GPATCH2L: variants seen among roughly 807,000 people sequenced by gnomAD.
GPATCH2L encodes G-patch domain containing 2 like, also known as G patch domain-containing protein 2-like.
GPATCH2L carries 31 observed loss-of-function variants against 57.4 expected under a neutral mutation model. That is an observed-to-expected ratio of 0.54 (90% CI 0.41 to 0.73). The LOEUF (loss-of-function observed/expected upper bound fraction) is 0.73. GPATCH2L is among the 30% of genes least tolerant of loss of function. The probability of loss-of-function intolerance (pLI) is 0.00; values close to 1 mark genes in which losing one functional copy is unlikely to be tolerated. For missense variants in GPATCH2L, 481 were observed against 599.9 expected, an observed-to-expected ratio of 0.80 and a Z score of 2.07; for synonymous variants, 199 against 210.7, an observed-to-expected ratio of 0.94 and a Z score of 0.48.
intron 1 of GPATCH2L, among the ~76,000 whole-genome samples, chr14:76,228,693 A>C (rs2139874482): frequency 6.6e-6 from 1 of 151,940 alleles, no homozygotes; most frequent in East Asian, 1.9e-4. Flanking sequence ...TTTGGTGCCC[A>C]CTCCTCATCT....
At chr14:76,176,427 TGTAGG>T (rs71122516) in intron 5 of GPATCH2L, 191 bp from the exon 6 acceptor site, 274,347 of 591,182 alleles carry the variant, frequency 0.46, 68,114 homozygotes, top group South Asian at 0.54. Context: ...GAATAATAAA[TGTAGG>T]GTAACATGTA....
At chr14:76,217,001 A>G (rs978317847), downstream of GPATCH2L, among the ~76,000 whole-genome samples, 77 of 152,220 alleles carry the variant, frequency 5.1e-4, no homozygotes, top group African/African-American at 1.8e-3. Flanking sequence ...ATATAGCTAT[A>G]CAGGAAAAAG....
intron 3 of GPATCH2L, among the ~76,000 whole-genome samples, chr14:76,169,000 C>A (rs1594930339): frequency 6.6e-6 from 1 of 152,210 alleles, no homozygotes; most frequent in Non-Finnish European, 1.5e-5. Context: ...TTTCCCTTGC[C>A]ACTCCAAGTC....
intron 3 of GPATCH2L, among the ~76,000 whole-genome samples, chr14:76,169,417 C>T (rs930556113): frequency 4.6e-5 from 7 of 152,130 alleles, no homozygotes; most frequent in African/African-American, 1.7e-4. Flanking sequence ...TTCCCCCAAA[C>T]AAAATCGAAC....
At chr14:76,231,962 A>AGGC (rs1229260053) in intron 2 of GPATCH2L, among the ~76,000 whole-genome samples, 4 of 614 alleles carry the variant, frequency 6.5e-3, no homozygotes, top group East Asian at 0.045. Context: ...GGGCAAACAC[A>AGGC]TCTCACTGCA....
At chr14:76,185,366 T>C (rs1408916516) in intron 8 of GPATCH2L, among the ~76,000 whole-genome samples, 1 of 152,224 alleles carries the variant, frequency 6.6e-6, no homozygotes, top group Non-Finnish European at 1.5e-5. Context: ...GTCACAAACT[T>C]GTAATAAGAA....
downstream of GPATCH2L, among the ~76,000 whole-genome samples, chr14:76,214,545 G>T (rs2040475740): frequency 6.6e-6 from 1 of 152,214 alleles, no homozygotes; most frequent in African/African-American, 2.4e-5. Flanking sequence ...GTGAGAGCTT[G>T]CCTTCAGGTT....
In GPATCH2L at chr14:76,204,633, G is replaced by A; in HGVS notation, c.*2782G>A. ...TACGTAGTTTCAAAAATGAGGTTTTGTAATCAGTGTTGAAAAAACTCTGAA... is the reference window on the plus strand; with the variant it reads ...TACGTAGTTTCAAAAATGAGGTTTTATAATCAGTGTTGAAAAAACTCTGAA... On this transcript the variant is annotated 3_prime_UTR_variant, in exon 10 of 10. Transcript: ENST00000261530. 1 of 152,178 alleles carries A rather than the reference G, an allele frequency of 6.6e-6. No individual in the cohort carries two copies. The highest frequency in any genetic ancestry group is 1.9e-4 in the East Asian group (1 of 5,196). The allele number at this position is 152,178 out of a possible 1,614,324, so 9.4% of individuals were successfully genotyped here.
At chr14:76,178,956 C>T (rs1718029772) in intron 7 of GPATCH2L, 6 of 151,978 alleles carry the variant, frequency 3.9e-5, no homozygotes, top group Admixed American at 3.9e-4. Context: ...ATGTGTGAAG[C>T]TTTGTGATTT....
At position 76,202,019 on chromosome 14, in the gene GPATCH2L, T is replaced by C; in HGVS notation, c.*168T>C. The C allele has an allele frequency of 1.9e-6, 1 of 520,378 alleles. No homozygotes were observed. The highest frequency in any genetic ancestry group is 3.3e-6 in the Non-Finnish European group (1 of 301,696). The allele number at this position is 520,378 out of a possible 1,614,324, so 32.2% of individuals were successfully genotyped here. A position where few individuals can be genotyped will look rare whatever the true frequency, so the allele number is the denominator to read the frequency against. Reference sequence around the variant, plus strand: ...GGATTCTTTCTCTCAGAAGATCATGTTGTGGGAATCTTTTTTTTAAATAGT... The same window carrying C: ...GGATTCTTTCTCTCAGAAGATCATGCTGTGGGAATCTTTTTTTTAAATAGT... On this transcript the variant is annotated 3_prime_UTR_variant, in exon 10 of 10. Transcript: ENST00000261530.
chr14:76,162,009 C>G (rs2038609851), intron 2 of GPATCH2L, among the ~76,000 whole-genome samples: 1 of 152,108 alleles, frequency 6.6e-6, no homozygotes, highest in Non-Finnish European at 1.5e-5. Flanking sequence ...GCACTCCAGC[C>G]TGGGTGACAG....
intron 1 of GPATCH2L, among the ~76,000 whole-genome samples, chr14:76,227,292 C>T (rs1001930798): frequency 6.6e-6 from 1 of 152,102 alleles, no homozygotes; most frequent in African/African-American, 2.4e-5. Context: ...CCCTCCTACA[C>T]GATATCACTG....
chr14:76,220,305 A>G (rs2040508737), intron 1 of GPATCH2L, among the ~76,000 whole-genome samples: 1 of 152,222 alleles, frequency 6.6e-6, no homozygotes, highest in Admixed American at 6.5e-5. Context: ...AGAAAAATTG[A>G]AAGTAAAAGG....
rs1017881598 is a variant in GPATCH2L at position 76,209,933 on chromosome 14, G to T, written c.*8082G>T. 2 of 152,196 alleles carry T rather than the reference G, an allele frequency of 1.3e-5. No homozygotes were observed. Among genetic ancestry groups the T allele is most frequent in the African/African-American group, 4.8e-5 (2 of 41,452 alleles). The allele number at this position is 152,196 out of a possible 1,614,324, so 9.4% of individuals were successfully genotyped here. A position where few individuals can be genotyped will look rare whatever the true frequency, so the allele number is the denominator to read the frequency against. ...AGTTGAGCTTCCTCACACATGGGAA[G>T]GTACTTCAGATGCTGGACAGCCAAT... On this transcript the variant is annotated 3_prime_UTR_variant, in exon 10 of 10. Coordinates refer to ENST00000261530, the MANE Select transcript of GPATCH2L (RefSeq NM_017926.4).
intron 8 of GPATCH2L, among the ~76,000 whole-genome samples, chr14:76,187,035 T>C (rs2039792533): frequency 6.6e-6 from 1 of 151,908 alleles, no homozygotes; most frequent in Admixed American, 6.6e-5. Context: ...GTTTTTTTTT[T>C]TTCTTTTCTT....
chr14:76,196,109 C>A, intron 9 of GPATCH2L, 137 bp downstream of exon 9: 1 of 748,566 alleles, frequency 1.3e-6, no homozygotes, highest in Non-Finnish European at 2.4e-6. Flanking sequence ...AAAACTGAGA[C>A]TACAAGAAAT....
At chr14:76,195,812 T>G in intron 8 of GPATCH2L, 66 bp from the exon 9 acceptor site, 1 of 1,184,320 alleles carries the variant, frequency 8.4e-7, no homozygotes, top group Non-Finnish European at 1.3e-6. Context: ...TAATCTGGGC[T>G]ACATGTAATG....
intron 1 of GPATCH2L, chr14:76,153,069 A>G: frequency 7.0e-6 from 2 of 285,084 alleles, no homozygotes; most frequent in South Asian, 6.3e-5. Flanking sequence ...TTTGTATGGT[A>G]GTTTTGGAAG....
chr14:76,163,467 A>G (rs1594918189), intron 2 of GPATCH2L, among the ~76,000 whole-genome samples: 1 of 152,154 alleles, frequency 6.6e-6, no homozygotes, highest in East Asian at 1.9e-4. Flanking sequence ...GATGAATCCC[A>G]GTACAGGAAA....
Sources: allele counts gnomAD v4.1 joint callset (sites outside exome capture counted in the v4.1 genomes callset), GRCh38; gene constraint gnomAD v4.1.1; transcripts MANE v1.5; gene names NCBI Gene and HGNC (gene_info 2026-07-23, HGNC 2026-07-21).